Variants in PRSS41 observed in about 807,000 individuals in gnomAD.
PRSS41 encodes protease, serine 41.
In PRSS41, 37 loss-of-function variants were observed where a neutral mutation model predicts 28.8. The observed-to-expected ratio is 1.29, with a 90% CI of 0.99 to 1.69. PRSS41 has a LOEUF of 1.69. Ranked by LOEUF, PRSS41 falls within the 40% of genes most tolerant of loss-of-function variation. The pLI, the probability that PRSS41 is intolerant of heterozygous loss-of-function variation, is 0.00. For synonymous variants in PRSS41, 195 were observed against 163.1 expected, an observed-to-expected ratio of 1.20 and a Z score of -1.49; for missense variants, 431 against 400.7, an observed-to-expected ratio of 1.08 and a Z score of -0.65.
At chr16:2,798,642 A>T in exon 2 of PRSS41, 5 of 1,493,560 alleles carry the variant, frequency 3.3e-6, no homozygotes, top group Non-Finnish European at 8.9e-7. Flanking sequence ...GCAGAGTCGC[A>T]GGAGGAGGAG....
intron 4 of PRSS41, among the ~76,000 whole-genome samples, chr16:2,803,780 A>T (rs1304821989): frequency 1.3e-5 from 2 of 151,940 alleles, no homozygotes; most frequent in Non-Finnish European, 2.9e-5. Context: ...GAATGTCTTA[A>T]TTTCTTCTTC....
In PRSS41 at chr16:2,799,410, C is replaced by G. The variant is rs61747736; in HGVS notation, c.382C>G (p.Leu128Val). 2.2e-3 allele frequency: 3,462 copies of G among 1,552,164 alleles called. 8 individuals carry two copies. The highest frequency in any genetic ancestry group is 4.3e-3 in the Middle Eastern group (26 of 5,996). ...GGACATCATTGTGAACCCTGACGCA[C>G]TTGGGGTTTTACGCAATGACATTGC... Residue 128 changes from leucine to valine, a missense_variant, in exon 4 of 6, where the codon CTT becomes GTT. Physicochemically the swap from Leu to Val is conservative, Grantham distance 32. Coordinates refer to ENST00000399677, the Ensembl canonical transcript of PRSS41.
exon 3 of PRSS41, chr16:2,799,034 A>G (rs1007174688): frequency 3.4e-5 from 52 of 1,532,692 alleles, no homozygotes; most frequent in Non-Finnish European, 4.1e-5. Context: ...TGGCCATGGC[A>G]GGCCAGCCTG....
chr16:2,803,381 T>C (rs1361874841), intron 4 of PRSS41, among the ~76,000 whole-genome samples: 1 of 152,228 alleles, frequency 6.6e-6, no homozygotes, highest in Non-Finnish European at 1.5e-5. Flanking sequence ...ATCTAAACCT[T>C]ATAATAACCT....
At chr16:2,800,634 T>G (rs947117675) in intron 4 of PRSS41, among the ~76,000 whole-genome samples, 6 of 152,040 alleles carry the variant, frequency 3.9e-5, no homozygotes, top group African/African-American at 1.4e-4. Flanking sequence ...AAGTGGCTGT[T>G]GGTAAGTGAA....
At position 2,802,097 on chromosome 16, in the gene PRSS41, C is replaced by T. The variant is rs572657319; in HGVS notation, c.542-2292C>T. On this transcript the variant is annotated intron_variant, in intron 4 of 5. Transcript: ENST00000399677. ...CTCACTTCCCAGATGGGGTGGCTGCCGGGCGGAGAGGCTCCTCACTTCTCA... is the reference window on the plus strand; with the variant it reads ...CTCACTTCCCAGATGGGGTGGCTGCTGGGCGGAGAGGCTCCTCACTTCTCA... Among the ~76,000 whole-genome samples, 11 of 150,996 alleles carry T rather than the reference C, an allele frequency of 7.3e-5. No individual in the cohort carries two copies. In the South Asian group the frequency reaches 1.9e-3, roughly 26 times the overall value.
intron 5 of PRSS41, 79 bp downstream of exon 5, chr16:2,804,625 C>A: frequency 7.4e-7 from 1 of 1,352,134 alleles, no homozygotes; most frequent in Non-Finnish European, 1.0e-6. Context: ...CTCCCCCAAC[C>A]ACTCCCAACC....
chr16:2,804,148 C>T (rs2069005553), intron 4 of PRSS41, among the ~76,000 whole-genome samples: 1 of 152,208 alleles, frequency 6.6e-6, no homozygotes, highest in Non-Finnish European at 1.5e-5. Context: ...CTCCATTCTA[C>T]AGATAGAGAA....
Position 2,799,135 on chromosome 16 carries a change from G to T in PRSS41, c.257+11G>T. 6.6e-7 allele frequency: 1 copy of T among 1,509,560 alleles called. No homozygotes were observed. The highest frequency in any genetic ancestry group is 2.5e-5 in the East Asian group (1 of 40,606). 93.5% of individuals were successfully genotyped at this position (1,509,560 alleles called of 1,614,324 possible). A position where few individuals can be genotyped will look rare whatever the true frequency, so the allele number is the denominator to read the frequency against. ...GCACTGCTTCCAAAAGTGAGTCTGG[G>T]GGGCGGCCGGGGCCTCAGACTTGCT... On this transcript the variant is annotated intron_variant, in intron 3 of 5. Transcript: ENST00000399677.
chr16:2,802,891 G>A (rs2068999356), intron 4 of PRSS41, among the ~76,000 whole-genome samples: 1 of 151,622 alleles, frequency 6.6e-6, no homozygotes, highest in Non-Finnish European at 1.5e-5. Flanking sequence ...GAGAGGGAGA[G>A]GGACGTTCTT....
intron 4 of PRSS41, among the ~76,000 whole-genome samples, chr16:2,801,271 T>C (rs556786960): frequency 6.6e-6 from 1 of 152,356 alleles, no homozygotes; most frequent in South Asian, 2.1e-4. Flanking sequence ...AAGATATTTA[T>C]GATTGGTATA....
exon 1 of PRSS41, chr16:2,798,499 G>A: frequency 7.7e-7 from 1 of 1,306,394 alleles, no homozygotes; most frequent in Admixed American, 2.2e-5. Context: ...GCGCGCGCGG[G>A]GCGCTGCTGC....
At chr16:2,804,616 TC>T in intron 5 of PRSS41, 70 bp downstream of exon 5, 1 of 1,444,848 alleles carries the variant, frequency 6.9e-7, no homozygotes, top group Non-Finnish European at 9.4e-7. Flanking sequence ...CTACCATTTC[TC>T]CCCCAACCAC....
chr16:2,798,976 G>A, exon 3 of PRSS41: 1 of 1,532,674 alleles, frequency 6.5e-7, no homozygotes, highest in Non-Finnish European at 8.7e-7. Flanking sequence ...CGGCCACCGG[G>A]AAATTCACGC....
At chr16:2,798,508 G>T (rs1433357712) in exon 1 of PRSS41, 2 of 1,310,574 alleles carry the variant, frequency 1.5e-6, no homozygotes, top group Non-Finnish European at 2.1e-6. Context: ...GGGCGCTGCT[G>T]CTGGCGCTGC....
intron 4 of PRSS41, among the ~76,000 whole-genome samples, chr16:2,799,982 T>C (rs1266134235): frequency 6.6e-6 from 1 of 152,262 alleles, no homozygotes; most frequent in Non-Finnish European, 1.5e-5. Context: ...CCTACAGTCA[T>C]GTGTCACTTA....
intron 4 of PRSS41, among the ~76,000 whole-genome samples, chr16:2,802,028 C>A (rs1410443499): frequency 2.0e-5 from 3 of 147,970 alleles, no homozygotes; most frequent in Non-Finnish European, 4.6e-5. Context: ...GCTGACCCCC[C>A]CCACCTCCCT....
intron 4 of PRSS41, among the ~76,000 whole-genome samples, chr16:2,800,047 A>G (rs1047000971): frequency 1.3e-5 from 2 of 152,260 alleles, no homozygotes; most frequent in African/African-American, 4.8e-5. Context: ...TCATTGTGTC[A>G]ACATCATGGA....
intron 4 of PRSS41, 83 bp downstream of exon 4, chr16:2,799,652 C>T: frequency 7.1e-7 from 1 of 1,399,722 alleles, no homozygotes; most frequent in South Asian, 1.3e-5. Flanking sequence ...TACACAAGCA[C>T]AGCAGCCCCC....
Sources: allele counts gnomAD v4.1 joint callset (sites outside exome capture counted in the v4.1 genomes callset), GRCh38; gene constraint gnomAD v4.1.1; transcripts MANE v1.5; gene names NCBI Gene and HGNC (gene_info 2026-07-23, HGNC 2026-07-21).